Variants in FAN1 observed in about 807,000 individuals in gnomAD.
FAN1 encodes FANCD2 and FANCI associated nuclease 1, also known as fanconi-associated nuclease 1.
In FAN1, 91 loss-of-function variants were observed where a neutral mutation model predicts 104.9. That is an observed-to-expected ratio of 0.87 (90% CI 0.73 to 1.03). FAN1 has a LOEUF of 1.03. Ranked by LOEUF, FAN1 falls within the 50% of genes least tolerant of loss-of-function variation. The pLI, the probability that FAN1 is intolerant of heterozygous loss-of-function variation, is 0.00. For missense variants in FAN1, 1,263 were observed against 1,239.9 expected (o/e 1.02, Z -0.28); for synonymous variants, 478 against 457.6 (o/e 1.04, Z -0.57).
chr15:30,906,392 A>G (rs1458441988), intron 2 of FAN1: 1 of 456,930 alleles, frequency 2.2e-6, no homozygotes, highest in Non-Finnish European at 4.4e-6. Context: ...GTGCCTTTTA[A>G]AGACAGGGTG....
intron 7 of FAN1, among the ~76,000 whole-genome samples, chr15:30,921,904 G>A (rs1013908454): frequency 2.6e-5 from 4 of 152,188 alleles, no homozygotes; most frequent in African/African-American, 9.7e-5. Context: ...TGCCAACTGT[G>A]ACCAGTGCTC....
intron 14 of FAN1, chr15:30,939,885 A>G (rs765689812): frequency 1.4e-4 from 141 of 985,440 alleles, no homozygotes; most frequent in Non-Finnish European, 1.5e-4. Flanking sequence ...TTTCTAGGCA[A>G]CAAGTTGGCA....
rs573014152 is a variant in FAN1, at chr15:30,924,441, A to G, written c.2173-686A>G. Among the ~76,000 whole-genome samples, 35 of 152,280 alleles carry G rather than the reference A, an allele frequency of 2.3e-4. 1 individual carries two copies. The South Asian group carries it at 6.6e-3, about 29-fold the overall frequency. On this transcript the variant is annotated intron_variant, in intron 8 of 14. Transcript: ENST00000362065. ...TTCACAGTGTTTACACCAGTGTCAC[A>G]TTCCCACCAGCAATGCGTGAGGTTT...
In FAN1 at chr15:30,913,961, G is replaced by A; in HGVS notation, c.1681G>A (p.Glu561Lys). 6.2e-7 allele frequency: 1 copy of A among 1,614,172 alleles called. No individual in the cohort carries two copies. Among genetic ancestry groups the A allele is most frequent in the Non-Finnish European group, 8.5e-7 (1 of 1,180,018 alleles). ...TTCGTTGACCGACTCAATGGAAGAT[G>A]AAGACGCCGCTTGTGGAGGTCAGGG... ...LFSLTDSMED[E>K]DAACGGQGQL... The change falls in exon 5 of 15, where the codon GAA becomes AAA. Residue 561 changes from glutamate to lysine, a missense_variant. By Grantham distance (56) the Glu-to-Lys change is moderately conservative. This residue lies in a region of FAN1 where 581 missense variants were observed against 668.8 expected (regional missense o/e 0.87). Coordinates refer to ENST00000362065, the MANE Select transcript of FAN1 (RefSeq NM_014967.5).
At position 30,942,875 on chromosome 15, in the gene FAN1, T is replaced by C. The variant is rs2063100097; in HGVS notation, c.*1313T>C. On this transcript the variant is annotated 3_prime_UTR_variant, in exon 15 of 15. Transcript: ENST00000362065. ...ACGTGTGAGCCAACATCACGTTTTG[T>C]TAGCTGTGATTTACCTTTGTCCGTT... The C allele has an allele frequency of 6.4e-7, 1 of 1,550,950 alleles. No individual in the cohort carries two copies. Among genetic ancestry groups the C allele is most frequent in the Non-Finnish European group, 8.7e-7 (1 of 1,145,916 alleles).
chr15:30,928,939 G>T, intron 11 of FAN1: 1 of 362,256 alleles, frequency 2.8e-6, no homozygotes, highest in Non-Finnish European at 3.8e-6. Flanking sequence ...CGTGTCGCAG[G>T]CACTGTGCCA....
At chr15:30,926,896 C>T (rs2062477252) in intron 10 of FAN1, 1 of 985,446 alleles carries the variant, frequency 1.0e-6, no homozygotes, top group Non-Finnish European at 1.2e-6. Flanking sequence ...GGCTGCCAGG[C>T]TTTATGCCAC....
At chr15:30,932,537 G>A (rs1160975772) in intron 13 of FAN1, among the ~76,000 whole-genome samples, 1 of 152,012 alleles carries the variant, frequency 6.6e-6, no homozygotes, top group East Asian at 1.9e-4. Flanking sequence ...AGCAGTATGG[G>A]CCTGGAGATT....
Position 30,905,402 on chromosome 15 carries a change from G to A in FAN1, c.739G>A (p.Glu247Lys), listed in dbSNP as rs1460480608. Residue 247 changes from glutamate (E) to lysine (K), a missense_variant, in exon 2 of 15, where the codon GAA becomes AAA. This residue lies in a region of FAN1 where 682 missense variants were observed against 571.1 expected (regional missense o/e 1.19). Transcript: ENST00000362065. ...AGCCGAAAGCCAAAAGGCTACCCGGGAATGTGAGAAATCAGCCCTCACCCC... is the reference window on the plus strand; with the variant it reads ...AGCCGAAAGCCAAAAGGCTACCCGGAAATGTGAGAAATCAGCCCTCACCCC... Reference protein sequence around the residue: ...MEAESQKATRECEKSALTPGF... With the variant: ...MEAESQKATRKCEKSALTPGF... The A allele has an allele frequency of 1.2e-6, 2 of 1,614,112 alleles. No homozygotes were observed. Among genetic ancestry groups the A allele is most frequent in the East Asian group, 4.5e-5 (2 of 44,884 alleles).
chr15:30,929,010 C>T (rs1410544410), intron 11 of FAN1, among the ~76,000 whole-genome samples, 193 bp from the exon 12 acceptor site: 1 of 152,154 alleles, frequency 6.6e-6, no homozygotes, highest in Non-Finnish European at 1.5e-5. Flanking sequence ...AAGCGAAAAG[C>T]TGTTTTTGCA....
intron 2 of FAN1, among the ~76,000 whole-genome samples, chr15:30,907,284 C>G (rs7165027): frequency 1 from 152,140 of 152,144 alleles, 76,068 homozygotes; most frequent in Middle Eastern, 1. Flanking sequence ...TTGGGAGGCC[C>G]AGGTGGGCAG....
At position 30,942,681 on chromosome 15, in the gene FAN1, C is replaced by G; in HGVS notation, c.*1119C>G. The G allele has an allele frequency of 1.9e-6, 1 of 515,820 alleles. No individual in the cohort carries two copies. 32.0% of individuals were successfully genotyped at this position (515,820 alleles called of 1,614,324 possible). On this transcript the variant is annotated 3_prime_UTR_variant, in exon 15 of 15. Transcript: ENST00000362065. The stretch of plus-strand genomic sequence containing the variant: ...TGCAGGCTCAAAGCTGCAATCTGCC[C>G]ACTCTCAGGTACTGAGACTTTGTGG...
At chr15:30,906,291 A>G (rs2061977054) in intron 2 of FAN1, 1 of 457,184 alleles carries the variant, frequency 2.2e-6, no homozygotes, top group Admixed American at 2.4e-5. Context: ...TTCCTCAAAG[A>G]TGAAAGTAGA....
At chr15:30,921,792 A>G (rs562538169) in intron 7 of FAN1, among the ~76,000 whole-genome samples, 15 of 152,320 alleles carry the variant, frequency 9.8e-5, no homozygotes, top group African/African-American at 3.4e-4. Flanking sequence ...CTGTTGAGGT[A>G]GGGTGTTTGT....
At chr15:30,928,407 A>T (rs1331380713) in intron 10 of FAN1, 146 bp from the exon 11 acceptor site, 2 of 1,478,370 alleles carry the variant, frequency 1.4e-6, no homozygotes, top group East Asian at 2.4e-5. Context: ...GCGTGAAAAC[A>T]GCATTTGCTT....
At chr15:30,941,014 A>C (rs2063028687) in intron 14 of FAN1, 2 of 1,171,106 alleles carry the variant, frequency 1.7e-6, no homozygotes, top group African/African-American at 3.2e-5. Context: ...GTTCAATTAG[A>C]GACGACAGAA....
chr15:30,924,956 A>G (rs911245845), intron 8 of FAN1, 171 bp from the exon 9 acceptor site: 2 of 628,426 alleles, frequency 3.2e-6, no homozygotes, highest in Non-Finnish European at 2.6e-6. Flanking sequence ...ATGCATTGAA[A>G]TCCTCAGAAT....
At chr15:30,929,951 T>TATATAAAATATATAATATA in intron 12 of FAN1, among the ~76,000 whole-genome samples, 1 of 119,768 alleles carries the variant, frequency 8.3e-6, no homozygotes, top group African/African-American at 3.4e-5. Flanking sequence ...TATAATATAA[T>TATATAAAATATATAATATA]ATATATCATA....
chr15:30,920,562 C>A lies in FAN1; in HGVS notation c.1961C>A (p.Pro654Gln). The change falls in exon 7 of 15, where the codon CCA (proline) becomes CAA (glutamine). Residue 654 changes from proline to glutamine, a missense_variant. Physicochemically the swap from Pro to Gln is moderately conservative, Grantham distance 76 (BLOSUM62 -1). This residue lies in a region of FAN1 where 581 missense variants were observed against 668.8 expected (regional missense o/e 0.87). Coordinates refer to ENST00000362065, the MANE Select transcript of FAN1 (RefSeq NM_014967.5). ...HPSLRCHEDL[P>Q]LFLRCFTVGW... ...CATTTTAGATGCCACGAAGATTTAC[C>A]ACTCTTCCTGCGGTGTTTCACTGTT... 2 of 1,609,514 alleles carry A rather than the reference C, an allele frequency of 1.2e-6. No homozygotes were observed. Among genetic ancestry groups the A allele is most frequent in the Non-Finnish European group, 8.5e-7 (1 of 1,177,490 alleles).
Sources: gnomAD v4.1 joint callset for allele counts (sites outside exome capture counted in the v4.1 genomes callset) on GRCh38, gnomAD v4.1.1 for gene constraint, gnomAD v4.1.1 regional missense constraint, MANE v1.5 for transcripts, NCBI Gene and HGNC (gene_info 2026-07-23, HGNC 2026-07-21) for gene names.